KIAA1217: variants seen among roughly 807,000 people sequenced by gnomAD.
KIAA1217 encodes the protein KIAA1217.
In KIAA1217, 88 loss-of-function variants were observed where a neutral mutation model predicts 163.9. The observed-to-expected ratio is 0.54, with a 90% CI of 0.45 to 0.64. The LOEUF is 0.64. Ranked by LOEUF, KIAA1217 falls within the 30% of genes least tolerant of loss-of-function variation. The probability of loss-of-function intolerance (pLI) is 0.00; values close to 1 mark genes in which losing one functional copy is unlikely to be tolerated. For synonymous variants in KIAA1217, 903 were observed against 923.1 expected, an observed-to-expected ratio of 0.98 and a Z score of 0.39; for missense variants, 2,372 against 2,475.0, an observed-to-expected ratio of 0.96 and a Z score of 0.88.
intron 2 of KIAA1217, among the ~76,000 whole-genome samples, chr10:24,189,496 C>A (rs1412000444): frequency 6.6e-6 from 1 of 152,190 alleles, no homozygotes; most frequent in African/African-American, 2.4e-5. Context: ...TGTGCACACA[C>A]TTTTACCCAT....
chr10:24,013,904 G>A (rs944411239), intron 2 of KIAA1217, among the ~76,000 whole-genome samples: 1 of 152,060 alleles, frequency 6.6e-6, no homozygotes, highest in Admixed American at 6.6e-5. Flanking sequence ...TCACAGTGAC[G>A]CCAAGAGCCA....
intron 1 of KIAA1217, among the ~76,000 whole-genome samples, chr10:23,993,553 C>T (rs1365930184): frequency 1.2e-3 from 83 of 68,934 alleles, no homozygotes; most frequent in African/African-American, 2.6e-3. Flanking sequence ...CATAGCCCAG[C>T]TTTTTTTTTT....
In KIAA1217 at chr10:24,545,990, C is replaced by T; in HGVS notation, c.5498C>T (p.Pro1833Leu). ...SNLPNPPATK[P>L]SIASNPLSPQ... ...CTCCCTAATCCACCTGCTACTAAAC[C>T]ATCGATTGCTTCTAACCCTCTCAGC... is the stretch of plus-strand genomic sequence containing the variant. The change falls in exon 21 of 21, where the codon CCA (proline) becomes CTA (leucine). Residue 1833 changes from proline (P) to leucine (L), a missense_variant. Physicochemically the swap from Pro to Leu is moderately conservative, Grantham distance 98. This residue lies in a region of KIAA1217 where 690 missense variants were observed against 677.5 expected (regional missense o/e 1.02). Coordinates refer to ENST00000376454, the MANE Select transcript of KIAA1217 (RefSeq NM_019590.5). The T allele has an allele frequency of 6.2e-7, 1 of 1,614,150 alleles. No homozygotes were observed. Among genetic ancestry groups the T allele is most frequent in the Non-Finnish European group, 8.5e-7 (1 of 1,180,016 alleles).
chr10:23,983,933 T>G (rs1845870153), intron 1 of KIAA1217, among the ~76,000 whole-genome samples: 1 of 152,126 alleles, frequency 6.6e-6, no homozygotes, highest in African/African-American at 2.4e-5. Context: ...CACACACCCA[T>G]CACTGTGTAC....
chr10:23,708,182 G>T (rs1445333068), intron 1 of KIAA1217, among the ~76,000 whole-genome samples: 3 of 152,136 alleles, frequency 2.0e-5, no homozygotes, highest in Admixed American at 6.5e-5. Context: ...GATCTCATGG[G>T]ACTTACTTAT....
intron 2 of KIAA1217, among the ~76,000 whole-genome samples, chr10:24,284,111 T>C (rs948799802): frequency 1.3e-5 from 2 of 152,162 alleles, no homozygotes; most frequent in African/African-American, 4.8e-5. Context: ...GGTTTCAGCA[T>C]GTTGGCCAGG....
chr10:24,450,944 C>T (rs907081238), intron 5 of KIAA1217, among the ~76,000 whole-genome samples: 23 of 152,164 alleles, frequency 1.5e-4, no homozygotes, highest in Non-Finnish European at 2.4e-4. Context: ...ATAATGTTTA[C>T]GTGGCTTCAG....
At chr10:24,242,677 C>T (rs781090329) in intron 2 of KIAA1217, among the ~76,000 whole-genome samples, 13 of 152,164 alleles carry the variant, frequency 8.5e-5, no homozygotes, top group African/African-American at 1.2e-4. Flanking sequence ...CTGCCTTCCA[C>T]GGTGGCTGAA....
chr10:24,386,517 G>A (rs1352391671), intron 3 of KIAA1217, among the ~76,000 whole-genome samples: 1 of 152,158 alleles, frequency 6.6e-6, no homozygotes, highest in African/African-American at 2.4e-5. Flanking sequence ...ATGTGAGACT[G>A]TCTGAATGTG....
chr10:23,860,817 C>T (rs2131133719), intron 1 of KIAA1217, among the ~76,000 whole-genome samples: 1 of 152,092 alleles, frequency 6.6e-6, no homozygotes, highest in East Asian at 1.9e-4. Context: ...CTGTGTTATA[C>T]AGAGATCCTG....
chr10:23,992,399 AC>A (rs142326632), intron 1 of KIAA1217, among the ~76,000 whole-genome samples: 4,310 of 152,206 alleles, frequency 0.028, 183 homozygotes, highest in African/African-American at 0.09. Flanking sequence ...ATCCTTGCCT[AC>A]CCCATTGCCA....
At chr10:24,228,623 T>C (rs1320828141) in intron 2 of KIAA1217, among the ~76,000 whole-genome samples, 2 of 152,140 alleles carry the variant, frequency 1.3e-5, no homozygotes, top group Admixed American at 6.5e-5. Flanking sequence ...ATGGGTTGTA[T>C]ACACGCTCTT....
intron 2 of KIAA1217, among the ~76,000 whole-genome samples, chr10:24,153,854 C>T (rs1270496327): frequency 6.6e-6 from 1 of 152,156 alleles, no homozygotes; most frequent in Admixed American, 6.5e-5. Flanking sequence ...GGGCTTATGC[C>T]TGTAATCTCA....
chr10:23,962,283 C>G (rs1446981951), intron 1 of KIAA1217, among the ~76,000 whole-genome samples: 1 of 152,176 alleles, frequency 6.6e-6, no homozygotes, highest in African/African-American at 2.4e-5. Flanking sequence ...GCCTCAGTTT[C>G]CACATCTATA....
At chr10:24,231,851 T>C (rs1590088346) in intron 2 of KIAA1217, among the ~76,000 whole-genome samples, 1 of 150,380 alleles carries the variant, frequency 6.6e-6, no homozygotes, top group African/African-American at 2.5e-5. Flanking sequence ...CAGGCTGGAG[T>C]GCAGTGGCAT....
intron 1 of KIAA1217, among the ~76,000 whole-genome samples, chr10:23,941,052 A>G (rs1439839274): frequency 1.3e-5 from 2 of 152,204 alleles, no homozygotes; most frequent in African/African-American, 4.8e-5. Context: ...AAGTGGTTCA[A>G]GTGCCTACAG....
At chr10:24,234,708 C>T (rs1034228981) in intron 2 of KIAA1217, among the ~76,000 whole-genome samples, 1 of 147,294 alleles carries the variant, frequency 6.8e-6, no homozygotes, top group African/African-American at 2.5e-5. Context: ...CTTGGCTTTG[C>T]TTTTTCAGCC....
intron 18 of KIAA1217, 41 bp downstream of exon 18, chr10:24,542,811 A>G: frequency 6.2e-7 from 1 of 1,611,980 alleles, no homozygotes; most frequent in East Asian, 2.2e-5. Context: ...TACCATGCAC[A>G]TTAAGTACCT....
In KIAA1217 at chr10:24,212,714, C is replaced by T. The variant is rs888907337; in HGVS notation, c.70+3451C>T. ...TGATGCTAACATCACCCATAACGTT[C>T]ATTTCTATCATTGCATTCTCTCTTG... On this transcript the variant is annotated intron_variant, in intron 1 of 20. Coordinates refer to ENST00000376454, the MANE Select transcript of KIAA1217 (RefSeq NM_019590.5). 2.6e-5 allele frequency among the ~76,000 whole-genome samples: 4 copies of T among 152,178 alleles called. No individual in the cohort carries two copies. The South Asian group carries it at 6.2e-4, about 24-fold the overall frequency.
Sources: allele counts gnomAD v4.1 joint callset (sites outside exome capture counted in the v4.1 genomes callset), GRCh38; gene constraint gnomAD v4.1.1; regional missense constraint gnomAD v4.1.1; transcripts MANE v1.5; gene names NCBI Gene and HGNC (gene_info 2026-07-23, HGNC 2026-07-21).